PI4K2A: variants seen among roughly 807,000 people sequenced by gnomAD.
PI4K2A encodes the protein phosphatidylinositol 4-kinase type 2-alpha.
In PI4K2A, 20 loss-of-function variants were observed where a neutral mutation model predicts 55.0. The ratio of observed to expected loss-of-function variants is 0.36; its 90% CI spans 0.26 to 0.53. The LOEUF (loss-of-function observed/expected upper bound fraction) is 0.53, where lower values mean the gene tolerates loss of function less well. PI4K2A is among the 20% of genes least tolerant of loss of function. The pLI, the probability that PI4K2A is intolerant of heterozygous loss-of-function variation, is 0.91. For missense variants in PI4K2A, 463 were observed against 637.1 expected (o/e 0.73, Z 2.94); for synonymous variants, 235 against 258.5 (o/e 0.91, Z 0.87).
intron 8 of PI4K2A, among the ~76,000 whole-genome samples, chr10:97,672,733 T>TTG (rs1343886233): frequency 7.4e-6 from 1 of 136,032 alleles, no homozygotes; most frequent in African/African-American, 2.8e-5. Context: ...TTCTTTTTTT[T>TTG]TTTTTTTTTT....
chr10:97,673,952 C>G (rs926137840), exon 9 of PI4K2A: 50 of 546,572 alleles, frequency 9.1e-5, no homozygotes, highest in Non-Finnish European at 1.6e-4. Context: ...GTGGGGGAGG[C>G]TGGAGCTCCA....
At chr10:97,657,649 C>G (rs1233086327) in intron 4 of PI4K2A, among the ~76,000 whole-genome samples, 2 of 143,824 alleles carry the variant, frequency 1.4e-5, no homozygotes, top group African/African-American at 5.3e-5. Context: ...ACCTGGGTGA[C>G]AGAGCAAGAC....
chr10:97,640,900 G>T (rs1344427876), exon 1 of PI4K2A: 1 of 1,311,788 alleles, frequency 7.6e-7, no homozygotes, highest in Non-Finnish European at 9.7e-7. Context: ...GGCTCGCCGG[G>T]CCACGACCGC....
In PI4K2A at chr10:97,650,309, C is replaced by T. The variant is rs546982969; in HGVS notation, c.436-632C>T. ...TTTTTTTTTTTGTGAGACAGGGTCT[C>T]GTTTGGTCGCCCAGGGTGAGGAATG... is the stretch of plus-strand genomic sequence containing the variant. On this transcript the variant is annotated intron_variant, in intron 1 of 8. Coordinates refer to ENST00000370631, the Ensembl canonical transcript of PI4K2A. Among the ~76,000 whole-genome samples the T allele has an allele frequency of 6.5e-4, 79 of 121,658 alleles. 1 individual carries two copies. Among genetic ancestry groups the T allele is most frequent in the African/African-American group, 2.1e-3 (58 of 28,222 alleles). 79.8% of individuals were successfully genotyped at this position (121,658 alleles called of 152,430 possible).
exon 9 of PI4K2A, chr10:97,674,819 G>C (rs1261118961): frequency 6.6e-6 from 1 of 152,102 alleles, no homozygotes; most frequent in Non-Finnish European, 1.5e-5. Flanking sequence ...AACAGGACGT[G>C]GATTCTGCCT....
rs1439118242 is a variant in PI4K2A at position 97,656,485 on chromosome 10, A to G, written c.768+69A>G. On this transcript the variant is annotated intron_variant, in intron 3 of 8. Coordinates refer to ENST00000370631, the Ensembl canonical transcript of PI4K2A. The surrounding 1 kb of genome is among the most constrained non-coding windows in gnomAD (Gnocchi z 4.5). ...GACATAGTCATCCAAGTGGTGAAGC[A>G]AGGTGCCTACAACTCAAATATGGGC... The G allele has an allele frequency of 6.7e-7, 1 of 1,488,758 alleles. No individual in the cohort carries two copies. The highest frequency in any genetic ancestry group is 9.3e-7 in the Non-Finnish European group (1 of 1,074,588). The allele number at this position is 1,488,758 out of a possible 1,614,324, so 92.2% of individuals were successfully genotyped here. A position where few individuals can be genotyped will look rare whatever the true frequency, so the allele number is the denominator to read the frequency against.
Position 97,656,820 on chromosome 10 carries a change from G to C in PI4K2A, c.769-1G>C. On this transcript the variant is annotated splice_acceptor_variant, in intron 3 of 8. Coordinates refer to ENST00000370631, the Ensembl canonical transcript of PI4K2A. LOFTEE classifies it high-confidence loss of function. The surrounding 1 kb of genome is among the most constrained non-coding windows in gnomAD (Gnocchi z 4.5). ...CCTTTGTTCCTTCCTCTTGGTTCCA[G>C]GTTGGTTCATTCCAGCTCTTTGTTG... 1 of 1,614,128 alleles carries C rather than the reference G, an allele frequency of 6.2e-7. No individual in the cohort carries two copies. Among genetic ancestry groups the C allele is most frequent in the Non-Finnish European group, 8.5e-7 (1 of 1,179,982 alleles).
exon 9 of PI4K2A, chr10:97,676,153 G>C (rs1235018232): frequency 6.6e-6 from 1 of 152,174 alleles, no homozygotes; most frequent in Non-Finnish European, 1.5e-5. Context: ...CTGAGACGTG[G>C]CTCCTGGGGC....
chr10:97,651,248 C>A, intron 2 of PI4K2A, 107 bp downstream of exon 2: 1 of 764,626 alleles, frequency 1.3e-6, no homozygotes, highest in Non-Finnish European at 2.2e-6. Flanking sequence ...GTCATTTATA[C>A]CCTAAGTCTG....
At chr10:97,665,434 C>T (rs2041605146) in intron 6 of PI4K2A, among the ~76,000 whole-genome samples, 2 of 151,900 alleles carry the variant, frequency 1.3e-5, no homozygotes, top group African/African-American at 4.8e-5. Flanking sequence ...GCCACCACGC[C>T]CGGCTAATTT....
chr10:97,659,425 G>T (rs907286118), intron 4 of PI4K2A, among the ~76,000 whole-genome samples: 2 of 151,262 alleles, frequency 1.3e-5, no homozygotes. Flanking sequence ...GAAATTTTAG[G>T]GTTATGCACC....
chr10:97,656,714 C>A lies in PI4K2A; in HGVS notation c.769-107C>A. On this transcript the variant is annotated intron_variant, in intron 3 of 8. Transcript: ENST00000370631. The surrounding 1 kb of genome is among the most constrained non-coding windows in gnomAD (Gnocchi z 4.5). ...GTAAAGATCTTGAAAAGTTTTCCTT[C>A]TCTGATACAAACTCCATAGGGCCTT... The A allele has an allele frequency of 9.8e-7, 1 of 1,018,904 alleles. No individual in the cohort carries two copies. Among genetic ancestry groups the A allele is most frequent in the Non-Finnish European group, 1.5e-6 (1 of 675,670 alleles). 63.1% of individuals were successfully genotyped at this position (1,018,904 alleles called of 1,614,324 possible).
chr10:97,655,502 T>C (rs1486618419), intron 2 of PI4K2A, among the ~76,000 whole-genome samples: 1 of 152,180 alleles, frequency 6.6e-6, no homozygotes, highest in Non-Finnish European at 1.5e-5. Context: ...GTGTTAATCC[T>C]TGTACTTCAT....
At chr10:97,642,686 C>T (rs1322050246) in intron 1 of PI4K2A, among the ~76,000 whole-genome samples, 5 of 151,902 alleles carry the variant, frequency 3.3e-5, no homozygotes, top group African/African-American at 1.2e-4. Context: ...CGCGCCCGGC[C>T]TCCAAGTTTC....
At chr10:97,657,310 T>A (rs961900703) in intron 4 of PI4K2A, among the ~76,000 whole-genome samples, 18 of 152,138 alleles carry the variant, frequency 1.2e-4, no homozygotes, top group South Asian at 6.2e-4. Context: ...TTAAAAAAAA[T>A]TTTTTTTCAG....
chr10:97,664,718 T>C (rs1198123129), intron 5 of PI4K2A, among the ~76,000 whole-genome samples, 167 bp from the exon 6 acceptor site: 1 of 152,200 alleles, frequency 6.6e-6, no homozygotes, highest in Non-Finnish European at 1.5e-5. Context: ...GGCACCAAAA[T>C]GTGCTAAGTT....
chr10:97,655,991 A>G (rs890005790), intron 2 of PI4K2A, among the ~76,000 whole-genome samples: 6 of 152,160 alleles, frequency 3.9e-5, no homozygotes, highest in Non-Finnish European at 8.8e-5. Context: ...TGGCTCTGCT[A>G]TTTCCCAGCC....
At chr10:97,675,493 A>T (rs2041659439) in exon 9 of PI4K2A, 1 of 152,690 alleles carries the variant, frequency 6.5e-6, no homozygotes, top group African/African-American at 2.4e-5. Flanking sequence ...ACAATGTTCG[A>T]GAGAACACTT....
intron 4 of PI4K2A, among the ~76,000 whole-genome samples, chr10:97,657,542 C>T (rs1465993816): frequency 2.0e-5 from 3 of 151,790 alleles, no homozygotes; most frequent in Admixed American, 6.6e-5. Flanking sequence ...GTGGCGGGCA[C>T]CTGTAGTCCC....
Sources: allele counts gnomAD v4.1 joint callset (sites outside exome capture counted in the v4.1 genomes callset), GRCh38; gene constraint gnomAD v4.1.1; non-coding constraint Gnocchi (gnomAD v3.1); transcripts MANE v1.5; gene names NCBI Gene and HGNC (gene_info 2026-07-23, HGNC 2026-07-21).